The following GRID2 variants were observed in gnomAD, a reference collection of about 807,000 sequenced individuals.
The protein encoded by GRID2 is glutamate receptor ionotropic, delta-2.
A neutral mutation model predicts 114.8 loss-of-function variants in GRID2; 33 were observed. The observed-to-expected ratio is 0.29, with a 90% confidence interval of 0.22 to 0.38. The LOEUF (loss-of-function observed/expected upper bound fraction) is 0.38. Ranked by LOEUF, GRID2 falls within the 10% of genes least tolerant of loss-of-function variation. The pLI, the probability that GRID2 is intolerant of heterozygous loss-of-function variation, is 1.00. For missense variants in GRID2, 1,184 were observed against 1,257.7 expected, an observed-to-expected ratio of 0.94 and a Z score of 0.89; for synonymous variants, 505 against 449.9, an observed-to-expected ratio of 1.12 and a Z score of -1.55.
chr4:93,466,261 A>AT, intron 11 of GRID2, among the ~76,000 whole-genome samples: 1 of 152,228 alleles, frequency 6.6e-6, no homozygotes, highest in Admixed American at 6.5e-5. Flanking sequence ...CTGAAATTTC[A>AT]TTTTTTATTT....
intron 2 of GRID2, among the ~76,000 whole-genome samples, chr4:92,955,776 T>C (rs1041635891): frequency 4.6e-5 from 7 of 152,020 alleles, no homozygotes; most frequent in African/African-American, 1.4e-4. Flanking sequence ...TTTAATCCAT[T>C]TTGAATTGAT....
intron 1 of GRID2, among the ~76,000 whole-genome samples, chr4:92,440,932 A>G (rs1013060968): frequency 1.3e-5 from 2 of 152,110 alleles, no homozygotes; most frequent in South Asian, 4.1e-4. Context: ...CAGAAAGTAT[A>G]TGAATCAGGT....
intron 8 of GRID2, among the ~76,000 whole-genome samples, chr4:93,310,628 T>G (rs1245169074): frequency 2.0e-5 from 3 of 152,212 alleles, no homozygotes; most frequent in Non-Finnish European, 1.5e-5. Flanking sequence ...GTTGAAAGTG[T>G]TGAATTCCCC....
At chr4:92,406,058 C>T (rs1731015249) in intron 1 of GRID2, among the ~76,000 whole-genome samples, 1 of 152,068 alleles carries the variant, frequency 6.6e-6, no homozygotes, top group Non-Finnish European at 1.5e-5. Context: ...AGGCCCATCT[C>T]TCCTCTTCAC....
intron 2 of GRID2, among the ~76,000 whole-genome samples, chr4:92,935,330 A>G (rs1476512199): frequency 2.0e-5 from 3 of 147,266 alleles, no homozygotes; most frequent in African/African-American, 7.3e-5. Flanking sequence ...CAAAACCACA[A>G]TGAGATACCA....
At chr4:93,656,927 A>G (rs13134863) in intron 14 of GRID2, among the ~76,000 whole-genome samples, 17 of 151,758 alleles carry the variant, frequency 1.1e-4, no homozygotes, top group Middle Eastern at 6.8e-3. Flanking sequence ...AGACTTTTTA[A>G]CAGTATCCAC....
chr4:92,435,954 T>C (rs1732716251), intron 1 of GRID2, among the ~76,000 whole-genome samples: 1 of 152,140 alleles, frequency 6.6e-6, no homozygotes, highest in South Asian at 2.1e-4. Flanking sequence ...TTGTTGTATC[T>C]GAGATTGTTT....
chr4:93,391,271 A>C (rs1217227754), intron 8 of GRID2, among the ~76,000 whole-genome samples: 1 of 152,178 alleles, frequency 6.6e-6, no homozygotes, highest in East Asian at 1.9e-4. Context: ...TCTATAAAAC[A>C]TGTATCTGAG....
chr4:93,146,393 C>T (rs1227813533), intron 4 of GRID2, among the ~76,000 whole-genome samples: 1 of 152,090 alleles, frequency 6.6e-6, no homozygotes, highest in Non-Finnish European at 1.5e-5. Context: ...GAAAGCGCAT[C>T]CTGTAAGCTC....
intron 14 of GRID2, among the ~76,000 whole-genome samples, chr4:93,646,081 A>C (rs572805368): frequency 6.6e-6 from 1 of 152,314 alleles, no homozygotes; most frequent in African/African-American, 2.4e-5. Context: ...ATTTATCTAG[A>C]GATAAAACAG....
intron 4 of GRID2, among the ~76,000 whole-genome samples, chr4:93,133,137 C>G (rs752162163): frequency 6.6e-6 from 1 of 152,112 alleles, no homozygotes; most frequent in Non-Finnish European, 1.5e-5. Flanking sequence ...CATGCTCTTG[C>G]ATGCACGTTC....
intron 4 of GRID2, among the ~76,000 whole-genome samples, chr4:93,141,747 C>T (rs1374110069): frequency 6.6e-6 from 1 of 152,174 alleles, no homozygotes; most frequent in Non-Finnish European, 1.5e-5. Context: ...AGCTTTGGAA[C>T]ATGGCTTGTG....
At chr4:93,455,628 T>A in intron 10 of GRID2, 34 bp from the exon 11 acceptor site, 1 of 1,444,758 alleles carries the variant, frequency 6.9e-7, no homozygotes, top group Non-Finnish European at 9.7e-7. Context: ...TTTTTCACAC[T>A]GTTAATGTAT....
intron 2 of GRID2, among the ~76,000 whole-genome samples, chr4:92,928,669 G>A (rs1228662677): frequency 6.6e-6 from 1 of 151,350 alleles, no homozygotes; most frequent in Admixed American, 6.6e-5. Context: ...GTGATATTTC[G>A]CTTTAGTACA....
intron 14 of GRID2, among the ~76,000 whole-genome samples, chr4:93,747,447 G>A (rs1055237896): frequency 6.6e-6 from 1 of 152,038 alleles, no homozygotes; most frequent in East Asian, 1.9e-4. Flanking sequence ...GTATGCTTGT[G>A]GAGAGAAAGA....
intron 2 of GRID2, among the ~76,000 whole-genome samples, chr4:92,931,933 C>G (rs1314141167): frequency 6.6e-6 from 1 of 150,966 alleles, no homozygotes; most frequent in African/African-American, 2.4e-5. Flanking sequence ...ATATGTAAAC[C>G]ATATGCTTTC....
chr4:92,658,379 C>G (rs1056891397), intron 2 of GRID2, among the ~76,000 whole-genome samples: 1 of 151,552 alleles, frequency 6.6e-6, no homozygotes, highest in African/African-American at 2.4e-5. Flanking sequence ...AAGAAATGTT[C>G]AGAGAAAGTG....
chr4:92,590,071 C>G, intron 1 of GRID2, 60 bp from the exon 2 acceptor site: 1 of 1,142,780 alleles, frequency 8.8e-7, no homozygotes, highest in South Asian at 1.3e-5. Flanking sequence ...TGTCATATTT[C>G]CAGAGGGGAT....
At chr4:92,371,119 C>T (rs182704439) in intron 1 of GRID2, among the ~76,000 whole-genome samples, 2 of 152,216 alleles carry the variant, frequency 1.3e-5, no homozygotes, top group Admixed American at 1.3e-4. Context: ...TAGAAGAAAA[C>T]TTAGAAGCTA....
Sources: gnomAD v4.1 joint callset for allele counts (sites outside exome capture counted in the v4.1 genomes callset) on GRCh38, gnomAD v4.1.1 for gene constraint, MANE v1.5 for transcripts, NCBI Gene and HGNC (gene_info 2026-07-23, HGNC 2026-07-21) for gene names.